Variants in GXYLT2 observed in about 807,000 individuals in gnomAD.
GXYLT2 encodes glycosyltransferase 8 domain containing 4.
GXYLT2 carries 53 observed loss-of-function variants against 45.8 expected under a neutral mutation model. The observed-to-expected ratio is 1.16, with a 90% CI of 0.93 to 1.46. The LOEUF (loss-of-function observed/expected upper bound fraction) is 1.46, where lower values mean the gene tolerates loss of function less well. Ranked by LOEUF, GXYLT2 falls within the 40% of genes most tolerant of loss-of-function variation. GXYLT2 has a pLI of 0.00. For missense variants in GXYLT2, 551 were observed against 544.4 expected, an observed-to-expected ratio of 1.01 and a Z score of -0.12; for synonymous variants, 219 against 214.2, an observed-to-expected ratio of 1.02 and a Z score of -0.19.
chr3:72,894,299 GC>G (rs1392385471), intron 1 of GXYLT2, among the ~76,000 whole-genome samples: 1 of 152,120 alleles, frequency 6.6e-6, no homozygotes, highest in Non-Finnish European at 1.5e-5. Context: ...AATCATCTTA[GC>G]TGAACTAGAT....
intron 2 of GXYLT2, among the ~76,000 whole-genome samples, chr3:72,918,832 A>T (rs1167006078): frequency 6.6e-6 from 1 of 151,716 alleles, no homozygotes; most frequent in Non-Finnish European, 1.5e-5. Flanking sequence ...TGTCTCAAAA[A>T]GAAAAAAAAA....
intron 5 of GXYLT2, among the ~76,000 whole-genome samples, chr3:72,959,661 A>G (rs935110249): frequency 5.3e-5 from 8 of 150,594 alleles, no homozygotes; most frequent in East Asian, 4.0e-4. Context: ...TTGAGATGGA[A>G]TCTGGCTCTG....
At chr3:72,944,903 G>A (rs1575805338) in intron 3 of GXYLT2, among the ~76,000 whole-genome samples, 1 of 152,112 alleles carries the variant, frequency 6.6e-6, no homozygotes. Flanking sequence ...CCTAGAGGGT[G>A]ACGTCCCAGA....
intron 6 of GXYLT2, among the ~76,000 whole-genome samples, chr3:72,968,976 C>A (rs2107157255): frequency 1.3e-5 from 2 of 151,960 alleles, no homozygotes; most frequent in East Asian, 1.9e-4. Flanking sequence ...GAGGCTGAGG[C>A]AGGAGAATGG....
intron 3 of GXYLT2, among the ~76,000 whole-genome samples, chr3:72,923,046 G>C (rs539940206): frequency 6.6e-6 from 1 of 152,128 alleles, no homozygotes; most frequent in Admixed American, 6.5e-5. Context: ...CCTGAGGTTA[G>C]GAGTTCAAGA....
At chr3:72,936,020 G>C (rs1212906682) in intron 3 of GXYLT2, among the ~76,000 whole-genome samples, 1 of 152,166 alleles carries the variant, frequency 6.6e-6, no homozygotes, top group South Asian at 2.1e-4. Flanking sequence ...CGCCGGGCGC[G>C]GTGGCTCACG....
intron 4 of GXYLT2, among the ~76,000 whole-genome samples, chr3:72,956,133 C>T (rs1575812117): frequency 6.6e-6 from 1 of 152,116 alleles, no homozygotes; most frequent in South Asian, 2.1e-4. Context: ...TGGCTGTAGT[C>T]TCAGCTACTT....
At chr3:72,943,034 A>G (rs1030875291) in intron 3 of GXYLT2, among the ~76,000 whole-genome samples, 1 of 152,186 alleles carries the variant, frequency 6.6e-6, no homozygotes, top group African/African-American at 2.4e-5. Flanking sequence ...CTCTTCTGTA[A>G]ATTTAAAATG....
intron 2 of GXYLT2, among the ~76,000 whole-genome samples, chr3:72,919,872 C>T (rs974578523): frequency 6.6e-6 from 1 of 152,168 alleles, no homozygotes; most frequent in African/African-American, 2.4e-5. Flanking sequence ...ACATGATGTG[C>T]ATTTGCCAAA....
At chr3:72,921,496 G>A (rs1317473166) in intron 2 of GXYLT2, among the ~76,000 whole-genome samples, 9 of 151,940 alleles carry the variant, frequency 5.9e-5, no homozygotes, top group South Asian at 2.1e-4. Flanking sequence ...ACTGTGGCAC[G>A]ATCTCACTGC....
intron 1 of GXYLT2, among the ~76,000 whole-genome samples, chr3:72,891,144 C>T (rs1389957125): frequency 6.6e-6 from 1 of 152,084 alleles, no homozygotes; most frequent in Non-Finnish European, 1.5e-5. Context: ...CTCGTGTTTT[C>T]AGAAAACGAG....
chr3:72,963,439 T>A (rs1710804181), intron 5 of GXYLT2, among the ~76,000 whole-genome samples: 2 of 151,572 alleles, frequency 1.3e-5, no homozygotes, highest in Non-Finnish European at 2.9e-5. Flanking sequence ...CTGGGCACAG[T>A]AGAGGCCTGT....
chr3:72,967,645 C>T lies in GXYLT2; in HGVS notation c.1075C>T (p.Leu359=). The T allele has an allele frequency of 6.2e-7, 1 of 1,613,970 alleles. No homozygotes were observed. The highest frequency in any genetic ancestry group is 1.7e-5 in the Admixed American group (1 of 60,012). ...REAEHEGVSV[L]HGNRGVYHDD... ...GGCTGAGCATGAAGGTGTGTCTGTTCTGCATGGAAACCGAGGCGTCTACCA... is the reference window on the plus strand; with the variant it reads ...GGCTGAGCATGAAGGTGTGTCTGTTTTGCATGGAAACCGAGGCGTCTACCA... Residue 359 remains leucine (L), a synonymous_variant, in exon 6 of 7, where the codon CTG becomes TTG. Coordinates refer to ENST00000389617, the MANE Select transcript of GXYLT2 (RefSeq NM_001080393.2).
At chr3:72,905,064 CAAAAAA>C (rs1177216917) in intron 1 of GXYLT2, among the ~76,000 whole-genome samples, 13 of 36,240 alleles carry the variant, frequency 3.6e-4, no homozygotes, top group African/African-American at 7.0e-4. Flanking sequence ...GATTCTGTCT[CAAAAAA>C]AAAAAAAAAA....
rs1709430774 is a variant in GXYLT2 at position 72,902,705 on chromosome 3, G to A, written c.276-5662G>A. Among the ~76,000 whole-genome samples, 2 of 136,724 alleles carry A rather than the reference G, an allele frequency of 1.5e-5. 1 individual carries two copies. The highest frequency in any genetic ancestry group is 1.4e-4 in the Admixed American group (2 of 13,844). 89.7% of individuals were successfully genotyped at this position (136,724 alleles called of 152,430 possible). A position where few individuals can be genotyped will look rare whatever the true frequency, so the allele number is the denominator to read the frequency against. ...ATAAATAAATAAAATAAATAAGAAA[G>A]GCCAGGTGCGGTGGCTCATGCCTGT... On this transcript the variant is annotated intron_variant, in intron 1 of 6. Coordinates refer to ENST00000389617, the MANE Select transcript of GXYLT2 (RefSeq NM_001080393.2).
intron 2 of GXYLT2, among the ~76,000 whole-genome samples, chr3:72,910,923 A>G (rs1709604713): frequency 6.6e-6 from 1 of 152,176 alleles, no homozygotes; most frequent in African/African-American, 2.4e-5. Context: ...CCAGTACTTA[A>G]TGAGTACCTG....
intron 6 of GXYLT2, among the ~76,000 whole-genome samples, chr3:72,970,447 C>T (rs1282985137): frequency 6.6e-6 from 1 of 151,610 alleles, no homozygotes; most frequent in African/African-American, 2.4e-5. Context: ...AGTTCAAGAC[C>T]AGCCTGGGCA....
At chr3:72,958,328 C>CA (rs938270847) in intron 5 of GXYLT2, among the ~76,000 whole-genome samples, 19 of 151,196 alleles carry the variant, frequency 1.3e-4, no homozygotes, top group African/African-American at 3.4e-4. Flanking sequence ...GATCTTTGGG[C>CA]AAAAAAAGCA....
intron 1 of GXYLT2, among the ~76,000 whole-genome samples, chr3:72,903,576 G>A (rs1559727438): frequency 6.6e-6 from 1 of 152,162 alleles, no homozygotes; most frequent in South Asian, 2.1e-4. Flanking sequence ...ATCTCTGTGA[G>A]TTGGGAGTCT....
Sources: gnomAD v4.1 joint callset for allele counts (sites outside exome capture counted in the v4.1 genomes callset) on GRCh38, gnomAD v4.1.1 for gene constraint, MANE v1.5 for transcripts, NCBI Gene and HGNC (gene_info 2026-07-23, HGNC 2026-07-21) for gene names.